Variants in MCM3AP observed in about 807,000 individuals in gnomAD.
MCM3AP encodes the protein germinal-center associated nuclear protein.
In MCM3AP, 126 loss-of-function variants were observed where a neutral mutation model predicts 184.1. The observed-to-expected ratio is 0.68, with a 90% CI of 0.59 to 0.79. MCM3AP has a LOEUF of 0.79. Ranked by LOEUF, MCM3AP falls within the 30% of genes least tolerant of loss-of-function variation. MCM3AP has a pLI of 0.00. For missense variants in MCM3AP, 2,496 were observed against 2,479.2 expected, an observed-to-expected ratio of 1.01 and a Z score of -0.14; for synonymous variants, 1,002 against 979.3, an observed-to-expected ratio of 1.02 and a Z score of -0.43.
chr21:46,256,296 C>T (rs1212664889), intron 17 of MCM3AP, among the ~76,000 whole-genome samples: 1 of 152,072 alleles, frequency 6.6e-6, no homozygotes, highest in Non-Finnish European at 1.5e-5. Flanking sequence ...AGGACCAGGG[C>T]CACACCAAGG....
At chr21:46,265,878 T>TG in intron 11 of MCM3AP, 47 bp downstream of exon 11, 1 of 1,507,960 alleles carries the variant, frequency 6.6e-7, no homozygotes. Flanking sequence ...GGCGTTCTGG[T>TG]GGGAAAATGC....
intron 2 of MCM3AP, among the ~76,000 whole-genome samples, chr21:46,282,235 T>C (rs1474335013): frequency 6.6e-6 from 1 of 152,032 alleles, no homozygotes; most frequent in African/African-American, 2.4e-5. Flanking sequence ...CCTAAGAATA[T>C]ACCCCAAAAA....
At chr21:46,276,661 G>A (rs189541091) in intron 5 of MCM3AP, among the ~76,000 whole-genome samples, 12 of 151,320 alleles carry the variant, frequency 7.9e-5, no homozygotes, top group Admixed American at 5.9e-4. Flanking sequence ...GGCTGGTCTC[G>A]AACTCCTGAC....
rs564539297 is a variant in MCM3AP at position 46,237,835 on chromosome 21, C to T, written c.5634-856G>A. ...AAAAACTAGGCTGGGCTCGGTGGCT[C>T]ATGCCTGTAATCCCAACACTTTGGG... On this transcript the variant is annotated intron_variant, in intron 26 of 27. Coordinates refer to ENST00000291688, the MANE Select transcript of MCM3AP (RefSeq NM_003906.5). Among the ~76,000 whole-genome samples, 3 of 117,182 alleles carry T rather than the reference C, an allele frequency of 2.6e-5. 1 individual carries two copies. The highest frequency in any genetic ancestry group is 5.4e-5 in the Non-Finnish European group (3 of 55,722). The allele number at this position is 117,182 out of a possible 152,430, so 76.9% of individuals were successfully genotyped here. A position where few individuals can be genotyped will look rare whatever the true frequency, so the allele number is the denominator to read the frequency against.
chr21:46,272,595 C>T lies in MCM3AP; in HGVS notation c.2431G>A (p.Val811Ile), dbSNP rs1479171014. ...ASEAEFQGYN[V>I]LLSLNKGDIL... ...TCTCCCTTGTTGAGACTGAGCAGAA[C>T]ATTGTAGCCCTGGAACTCCGCTTCG... is the stretch of plus-strand genomic sequence containing the variant. Residue 811 changes from valine to isoleucine, a missense_variant, in exon 8 of 28, where the codon GTT (valine) becomes ATT (isoleucine). By Grantham distance (29) the Val-to-Ile change is conservative. Around this residue, in one of 5 missense-constraint regions of MCM3AP, gnomAD observed 105 missense variants for 97.1 expected, o/e 1.08. Coordinates refer to ENST00000291688, the MANE Select transcript of MCM3AP (RefSeq NM_003906.5). 4 of 1,614,058 alleles carry T rather than the reference C, an allele frequency of 2.5e-6. No individual in the cohort carries two copies. The highest frequency in any genetic ancestry group is 1.1e-5 in the South Asian group (1 of 91,088).
chr21:46,275,060 A>T, intron 6 of MCM3AP, 126 bp downstream of exon 6: 3 of 1,077,560 alleles, frequency 2.8e-6, no homozygotes, highest in Non-Finnish European at 3.8e-6. Flanking sequence ...AAACAGCTTA[A>T]TATGATTGTT....
rs1457720278 is a variant in MCM3AP at position 46,238,400 on chromosome 21, C to T, written c.5634-1421G>A. On this transcript the variant is annotated intron_variant, in intron 26 of 27. Transcript: ENST00000291688. The stretch of plus-strand genomic sequence containing the variant: ...CTCTAGAGCTGTCTACTTCCATATA[C>T]CGGTCTTTTCAAGAAAAACAATCTT... Among the ~76,000 whole-genome samples, 5 of 120,100 alleles carry T rather than the reference C, an allele frequency of 4.2e-5. 2 individuals are homozygous for T. The highest frequency in any genetic ancestry group is 8.8e-5 in the Non-Finnish European group (5 of 56,670). The allele number at this position is 120,100 out of a possible 152,430, so 78.8% of individuals were successfully genotyped here.
rs2081189372 is a variant in MCM3AP, at chr21:46,272,169, T to A, written c.2465+392A>T. The stretch of plus-strand genomic sequence containing the variant: ...TTTTGTTTTACATAATTTTTTCCTC[T>A]CTTATTCTGAGATCTTTGACAAAAC... On this transcript the variant is annotated intron_variant, in intron 8 of 27. Coordinates refer to ENST00000291688, the MANE Select transcript of MCM3AP (RefSeq NM_003906.5). Among the ~76,000 whole-genome samples, 3 of 152,186 alleles carry A rather than the reference T, an allele frequency of 2.0e-5. No individual in the cohort carries two copies. In the South Asian group the frequency reaches 6.2e-4, roughly 31 times the overall value.
At position 46,259,904 on chromosome 21, in the gene MCM3AP, CAAAAAAAAAA is replaced by C. The variant is rs58993039; in HGVS notation, c.3582-823_3582-814del. Among the ~76,000 whole-genome samples the C allele has an allele frequency of 1.7e-4, 14 of 80,264 alleles. 1 individual carries two copies. Among genetic ancestry groups the C allele is most frequent in the Middle Eastern group, 0.013 (2 of 154 alleles). The allele number at this position is 80,264 out of a possible 152,430, so 52.7% of individuals were successfully genotyped here. A position where few individuals can be genotyped will look rare whatever the true frequency, so the allele number is the denominator to read the frequency against. On this transcript the variant is annotated intron_variant, in intron 15 of 27. Coordinates refer to ENST00000291688, the MANE Select transcript of MCM3AP (RefSeq NM_003906.5). Reference sequence around the variant, plus strand: ...TGGGTAACAGAGTAAAACTCCATTTCAAAAAAAAAAAAAAAAAAAAAATTAGCTGGGCATG... The same window carrying C: ...TGGGTAACAGAGTAAAACTCCATTTCAAAAAAAAAAAATTAGCTGGGCATG...
chr21:46,267,171 C>T (rs200585330), intron 9 of MCM3AP, 29 bp from the exon 10 acceptor site: 1 of 1,604,424 alleles, frequency 6.2e-7, no homozygotes, highest in African/African-American at 1.3e-5. Context: ...TCACTGCAGT[C>T]TCAGACGAAG....
rs540095160 is a variant in MCM3AP at position 46,264,307 on chromosome 21, G to A, written c.3235-90C>T. 9.5e-5 allele frequency: 74 copies of A among 782,460 alleles called. 1 individual carries two copies. The highest frequency in any genetic ancestry group is 8.7e-4 in the Admixed American group (37 of 42,606). The allele number at this position is 782,460 out of a possible 1,614,324, so 48.5% of individuals were successfully genotyped here. A position where few individuals can be genotyped will look rare whatever the true frequency, so the allele number is the denominator to read the frequency against. On this transcript the variant is annotated intron_variant, in intron 12 of 27. Transcript: ENST00000291688. ...TGTTGTCACCGGACAGTCTGCAGGC[G>A]TCTCGTGACAGAAGCACAACCCCTG...
intron 13 of MCM3AP, 73 bp downstream of exon 13, chr21:46,264,044 G>A (rs17176492): frequency 1.5e-5 from 15 of 1,033,828 alleles, no homozygotes; most frequent in Non-Finnish European, 1.9e-5. Context: ...AACTTTATGA[G>A]AGGAAACTTC....
At chr21:46,259,865 A>C (rs2081018010) in intron 15 of MCM3AP, among the ~76,000 whole-genome samples, 1 of 149,122 alleles carries the variant, frequency 6.7e-6, no homozygotes, top group South Asian at 2.1e-4. Context: ...AGATGGCACC[A>C]CTGCACTCCA....
chr21:46,259,054 G>A lies in MCM3AP; in HGVS notation c.3619C>T (p.Arg1207Cys), dbSNP rs565059756. ...TGGGCACAGACATCCTCACAGCAAC[G>A]GGCCACACGGACCCTCTGGTCTGTC... ...VETDQRVRVARCCEDVCAHLV... is the reference protein window; with the variant it reads ...VETDQRVRVACCCEDVCAHLV... The change falls in exon 16 of 28, where the codon CGT becomes TGT. Residue 1207 changes from arginine to cysteine, a missense_variant. Around this residue, in one of 5 missense-constraint regions of MCM3AP, gnomAD observed 1,323 missense variants for 1,273.4 expected, o/e 1.04. Transcript: ENST00000291688. 3.2e-5 allele frequency: 52 copies of A among 1,613,830 alleles called. 1 individual carries two copies. The highest frequency in any genetic ancestry group is 1.6e-4 in the Middle Eastern group (1 of 6,084).
chr21:46,265,259 C>G, intron 12 of MCM3AP, 62 bp downstream of exon 12: 2 of 1,504,508 alleles, frequency 1.3e-6, no homozygotes, highest in Non-Finnish European at 1.8e-6. Context: ...GGGGTGATGA[C>G]TAAGGACGTT....
chr21:46,252,245 A>G (rs959402644), intron 19 of MCM3AP: 1 of 152,170 alleles, frequency 6.6e-6, no homozygotes, highest in South Asian at 2.1e-4. Context: ...AATGTGACTT[A>G]AAATTCTGAA....
At chr21:46,256,230 C>T (rs1349426257) in intron 17 of MCM3AP, among the ~76,000 whole-genome samples, 2 of 151,578 alleles carry the variant, frequency 1.3e-5, no homozygotes, top group African/African-American at 4.9e-5. Context: ...GAGGGGGGTC[C>T]TGGCATGGCC....
chr21:46,240,902 TGCTGGG>T lies in MCM3AP; in HGVS notation c.5536_5541del (p.Pro1846_Ser1847del). ...GAAGCTCCTCGCATCAGATCCTCTG[TGCTGGG>T]AATCCTCCCCTCTTGAGCACACTCT... is the stretch of plus-strand genomic sequence containing the variant. On this transcript the variant is annotated inframe_deletion, in exon 26 of 28. Coordinates refer to ENST00000291688, the MANE Select transcript of MCM3AP (RefSeq NM_003906.5). 2 of 1,614,228 alleles carry T rather than the reference TGCTGGG, an allele frequency of 1.2e-6. No individual in the cohort carries two copies. The highest frequency in any genetic ancestry group is 1.7e-6 in the Non-Finnish European group (2 of 1,180,024).
chr21:46,274,834 C>G (rs955274606), intron 6 of MCM3AP, among the ~76,000 whole-genome samples: 2 of 149,464 alleles, frequency 1.3e-5, no homozygotes, highest in African/African-American at 4.9e-5. Flanking sequence ...ACTCTGTAAG[C>G]TGAGTGAGAG....
Sources: allele counts gnomAD v4.1 joint callset (sites outside exome capture counted in the v4.1 genomes callset), GRCh38; gene constraint gnomAD v4.1.1; regional missense constraint gnomAD v4.1.1; transcripts MANE v1.5; gene names NCBI Gene and HGNC (gene_info 2026-07-23, HGNC 2026-07-21).